The following KEAP1 variants were observed in gnomAD, a reference collection of about 807,000 sequenced individuals.
KEAP1 encodes kelch-like ECH-associated protein 1.
Under a neutral mutation model 59.7 loss-of-function variants are expected in KEAP1, and 26 were observed. The observed-to-expected ratio is 0.44, with a 90% CI of 0.32 to 0.60. The LOEUF (loss-of-function observed/expected upper bound fraction) is 0.60. Among genes scored for constraint, KEAP1 ranks in the 20% least tolerant of loss-of-function variants. The pLI is 0.06. For synonymous variants in KEAP1, 350 were observed against 358.3 expected, an observed-to-expected ratio of 0.98 and a Z score of 0.26; for missense variants, 539 against 871.4, an observed-to-expected ratio of 0.62 and a Z score of 4.80.
intron 3 of KEAP1, chr19:10,490,830 C>T (rs575043536): frequency 1.3e-5 from 2 of 152,286 alleles, no homozygotes; most frequent in East Asian, 3.9e-4. Flanking sequence ...TCTGATAAAC[C>T]CCTAGTGGCT....
Position 10,491,561 on chromosome 19 carries a change from AG to A in KEAP1, c.1325+15del. ...AGCAGGACCCTCCGAGCCCACCCCC[AG>A]GCCCTGCCACTCACCTCTCCACACT... On this transcript the variant is annotated intron_variant, in intron 3 of 5. Coordinates refer to ENST00000171111, the MANE Select transcript of KEAP1 (RefSeq NM_203500.2). The surrounding 1 kb of genome is among the most constrained non-coding windows in gnomAD (Gnocchi z 5.2). 6.7e-7 allele frequency: 1 copy of A among 1,496,958 alleles called. No homozygotes were observed. The highest frequency in any genetic ancestry group is 8.9e-7 in the Non-Finnish European group (1 of 1,123,374). The allele number at this position is 1,496,958 out of a possible 1,614,324, so 92.7% of individuals were successfully genotyped here.
intron 2 of KEAP1, among the ~76,000 whole-genome samples, chr19:10,496,850 C>T (rs1330184969): frequency 2.0e-5 from 3 of 151,544 alleles, no homozygotes; most frequent in Non-Finnish European, 4.4e-5. Flanking sequence ...GGCGCAGTGT[C>T]TCATGCCTGT....
chr19:10,501,235 G>A (rs1226078217), intron 1 of KEAP1, among the ~76,000 whole-genome samples: 2 of 151,950 alleles, frequency 1.3e-5, no homozygotes, highest in African/African-American at 4.8e-5. Context: ...GATGAGTTAT[G>A]TGTTTTGTGT....
rs558420859 is a variant in KEAP1 at position 10,486,543 on chromosome 19, C to T, written c.*109G>A. ...ACTGAGGCATCCTGGCCTCCCTTCCCGGAAGATGGGTTATTTGCAGTGCTG... is the reference window on the plus strand; with the variant it reads ...ACTGAGGCATCCTGGCCTCCCTTCCTGGAAGATGGGTTATTTGCAGTGCTG... On this transcript the variant is annotated 3_prime_UTR_variant, in exon 6 of 6. Coordinates refer to ENST00000171111, the MANE Select transcript of KEAP1 (RefSeq NM_203500.2). The T allele has an allele frequency of 2.4e-5, 27 of 1,145,686 alleles. No individual in the cohort carries two copies. Among genetic ancestry groups the T allele is most frequent in the Admixed American group, 1.5e-4 (7 of 46,670 alleles). The allele number at this position is 1,145,686 out of a possible 1,614,324, so 71.0% of individuals were successfully genotyped here.
chr19:10,496,001 A>AT, intron 2 of KEAP1, among the ~76,000 whole-genome samples: 1 of 152,026 alleles, frequency 6.6e-6, no homozygotes, highest in East Asian at 1.9e-4. Flanking sequence ...CCTGGGCAAC[A>AT]TAGCGAGACC....
rs143219271 is a variant in KEAP1 at position 10,499,472 on chromosome 19, C to T, written c.562G>A (p.Ala188Thr). 1.9e-6 allele frequency: 3 copies of T among 1,614,010 alleles called. No homozygotes were observed. The highest frequency in any genetic ancestry group is 2.5e-6 in the Non-Finnish European group (3 of 1,180,040). Residue 188 changes from alanine to threonine, a missense_variant, in exon 2 of 6, where the codon GCC (alanine) becomes ACC (threonine). This residue lies in a region of KEAP1 where 166 missense variants were observed against 295.8 expected (regional missense o/e 0.56). Coordinates refer to ENST00000171111, the MANE Select transcript of KEAP1 (RefSeq NM_203500.2). This position sits in a 1 kb window ranked among gnomAD's most constrained non-coding sequence, Gnocchi z 6.7. The stretch of plus-strand genomic sequence containing the variant: ...CAGCCAATCTGCTCAGCGAAGTTGG[C>T]GATGCCGATGGCATTGCTGGGGTCC... The part of the protein sequence containing the change: ...QLDPSNAIGI[A>T]NFAEQIGCVE...
Position 10,502,965 on chromosome 19 carries a change from C to T in KEAP1, c.-48+276G>A, listed in dbSNP as rs1915096452. 6.6e-6 allele frequency: 1 copy of T among 152,060 alleles called. No individual in the cohort carries two copies. Among genetic ancestry groups the T allele is most frequent in the Non-Finnish European group, 1.5e-5 (1 of 67,978 alleles). 9.4% of individuals were successfully genotyped at this position (152,060 alleles called of 1,614,324 possible). A position where few individuals can be genotyped will look rare whatever the true frequency, so the allele number is the denominator to read the frequency against. On this transcript the variant is annotated intron_variant, in intron 1 of 5. Transcript: ENST00000171111. This position sits in a 1 kb window ranked among gnomAD's most constrained non-coding sequence, Gnocchi z 4.0. Reference sequence around the variant, plus strand: ...GGCGGCGGGGCGGGGGCACGCGACCCTGAGCGCGCTTAGCCGCGTGGTCCG... The same window carrying T: ...GGCGGCGGGGCGGGGGCACGCGACCTTGAGCGCGCTTAGCCGCGTGGTCCG...
chr19:10,491,513 T>G lies in KEAP1; in HGVS notation c.1325+64A>C. The G allele has an allele frequency of 7.4e-7, 1 of 1,348,314 alleles. No individual in the cohort carries two copies. The highest frequency in any genetic ancestry group is 9.9e-7 in the Non-Finnish European group (1 of 1,012,620). The allele number at this position is 1,348,314 out of a possible 1,614,324, so 83.5% of individuals were successfully genotyped here. A position where few individuals can be genotyped will look rare whatever the true frequency, so the allele number is the denominator to read the frequency against. ...CAGCCTCAGGAAGAATACCCGGATC[T>G]CAGTGTCTTGGGACTTGCCAGGAGC... On this transcript the variant is annotated intron_variant, in intron 3 of 5. Transcript: ENST00000171111. This position sits in a 1 kb window ranked among gnomAD's most constrained non-coding sequence, Gnocchi z 5.2.
At chr19:10,494,327 CTT>C (rs1195911183) in intron 2 of KEAP1, among the ~76,000 whole-genome samples, 6 of 110,406 alleles carry the variant, frequency 5.4e-5, no homozygotes, top group African/African-American at 7.5e-5. Context: ...CCTGGCTTGG[CTT>C]TTTTTTTTTT....
chr19:10,493,377 T>G (rs1914744102), intron 2 of KEAP1, among the ~76,000 whole-genome samples: 1 of 151,876 alleles, frequency 6.6e-6, no homozygotes, highest in Admixed American at 6.6e-5. Context: ...TTAGCCAGGA[T>G]GGTCTCGATC....
intron 5 of KEAP1, among the ~76,000 whole-genome samples, chr19:10,488,938 A>C (rs1301337732): frequency 6.6e-6 from 1 of 151,796 alleles, no homozygotes; most frequent in South Asian, 2.1e-4. Context: ...CTCAAAAGAA[A>C]AAAAACATTA....
rs1215896729 is a variant in KEAP1, at chr19:10,489,306, T to A, written c.1594A>T (p.Asn532Tyr). Reference sequence around the variant, plus strand: ...TCCACATCGTAGCGCTCCACGCTGTTCAGCTGGTCCTGACCATCATAGCCC... The same window carrying A: ...TCCACATCGTAGCGCTCCACGCTGTACAGCTGGTCCTGACCATCATAGCCC... ...AGGYDGQDQL[N>Y]SVERYDVETE... Residue 532 changes from asparagine (N) to tyrosine (Y), a missense_variant, in exon 5 of 6, where the codon AAC becomes TAC. Physicochemically the swap from Asn to Tyr is moderately radical, Grantham distance 143. Around this residue, in one of 4 missense-constraint regions of KEAP1, gnomAD observed 311 missense variants for 425.2 expected, o/e 0.73. Transcript: ENST00000171111. 3 of 1,614,014 alleles carry A rather than the reference T, an allele frequency of 1.9e-6. No homozygotes were observed. The highest frequency in any genetic ancestry group is 2.5e-6 in the Non-Finnish European group (3 of 1,180,006).
intron 2 of KEAP1, 102 bp from the exon 3 acceptor site, chr19:10,492,364 G>T: frequency 1.2e-6 from 1 of 816,112 alleles, no homozygotes; most frequent in Non-Finnish European, 2.0e-6. Context: ...GACAGTCTCA[G>T]CTTCCTTATC....
intron 5 of KEAP1, among the ~76,000 whole-genome samples, chr19:10,487,764 G>A (rs533023300): frequency 1.3e-5 from 2 of 152,248 alleles, no homozygotes; most frequent in Admixed American, 1.3e-4. Flanking sequence ...CGGAGGCTGA[G>A]GCAGGTGGAT....
chr19:10,496,839 G>A (rs2144617959), intron 2 of KEAP1, among the ~76,000 whole-genome samples: 1 of 151,496 alleles, frequency 6.6e-6, no homozygotes, highest in Admixed American at 6.6e-5. Context: ...GGGCGGGCGT[G>A]GGCGCAGTGT....
At chr19:10,496,502 C>CCA (rs1568400423) in intron 2 of KEAP1, among the ~76,000 whole-genome samples, 1 of 128,336 alleles carries the variant, frequency 7.8e-6, no homozygotes, top group East Asian at 2.3e-4. Flanking sequence ...CCCCCACCCC[C>CCA]AAAAAAAAAA....
In KEAP1 at chr19:10,491,512, C is replaced by T; in HGVS notation, c.1325+65G>A. On this transcript the variant is annotated intron_variant, in intron 3 of 5. Coordinates refer to ENST00000171111, the MANE Select transcript of KEAP1 (RefSeq NM_203500.2). The surrounding 1 kb of genome is among the most constrained non-coding windows in gnomAD (Gnocchi z 5.2). Reference sequence around the variant, plus strand: ...ACAGCCTCAGGAAGAATACCCGGATCTCAGTGTCTTGGGACTTGCCAGGAG... The same window carrying T: ...ACAGCCTCAGGAAGAATACCCGGATTTCAGTGTCTTGGGACTTGCCAGGAG... The T allele has an allele frequency of 7.4e-7, 1 of 1,343,398 alleles. No individual in the cohort carries two copies. The highest frequency in any genetic ancestry group is 1.5e-5 in the African/African-American group (1 of 67,982). 83.2% of individuals were successfully genotyped at this position (1,343,398 alleles called of 1,614,324 possible).
In KEAP1 at chr19:10,491,600, G is replaced by A. The variant is rs2144596311; in HGVS notation, c.1302C>T (p.Cys434=). The change falls in exon 3 of 6, where the codon TGC becomes TGT. Residue 434 remains cysteine, a synonymous_variant. Coordinates refer to ENST00000171111, the MANE Select transcript of KEAP1 (RefSeq NM_203500.2). The surrounding 1 kb of genome is among the most constrained non-coding windows in gnomAD (Gnocchi z 5.2). Reference sequence around the variant, plus strand: ...ACCTCTCCACACTGTTGTGGTGGATGCAGCCGTGGGAGCCGCCGACGGCAT... The same window carrying A: ...ACCTCTCCACACTGTTGTGGTGGATACAGCCGTGGGAGCCGCCGACGGCAT... ...HIYAVGGSHG[C]IHHNSVERYE... is the part of the protein sequence containing the mutation. 6.4e-7 allele frequency: 1 copy of A among 1,573,214 alleles called. No homozygotes were observed. The highest frequency in any genetic ancestry group is 8.6e-7 in the Non-Finnish European group (1 of 1,161,068).
rs373063629 is a variant in KEAP1 at position 10,491,746 on chromosome 19, C to A, written c.1156G>T (p.Gly386Cys). ...TCCAGGGCGCTGGAGTCGGTGTTGC[C>A]GTCGGGCGAGTTGTTCCTGCCGCCC... The part of the protein sequence containing the change: ...AVGGRNNSPD[G>C]NTDSSALDCY... The change falls in exon 3 of 6, where the codon GGC becomes TGC. Residue 386 changes from glycine (G) to cysteine (C), a missense_variant. By Grantham distance (159) the Gly-to-Cys change is radical. Coordinates refer to ENST00000171111, the MANE Select transcript of KEAP1 (RefSeq NM_203500.2). The surrounding 1 kb of genome is among the most constrained non-coding windows in gnomAD (Gnocchi z 5.2). 6.4e-7 allele frequency: 1 copy of A among 1,565,796 alleles called. No homozygotes were observed. Among genetic ancestry groups the A allele is most frequent in the South Asian group, 1.2e-5 (1 of 86,052 alleles).
Sources: allele counts gnomAD v4.1 joint callset (sites outside exome capture counted in the v4.1 genomes callset), GRCh38; gene constraint gnomAD v4.1.1; regional missense constraint gnomAD v4.1.1; non-coding constraint Gnocchi (gnomAD v3.1); transcripts MANE v1.5; gene names NCBI Gene and HGNC (gene_info 2026-07-23, HGNC 2026-07-21).